GRM7: variants seen among roughly 807,000 people sequenced by gnomAD.
The protein encoded by GRM7 is glutamate metabotropic receptor 7.
Under a neutral mutation model 84.5 loss-of-function variants are expected in GRM7, and 35 were observed. That is an observed-to-expected ratio of 0.41 (90% CI 0.32 to 0.55). The LOEUF (loss-of-function observed/expected upper bound fraction) is 0.55, where lower values mean the gene tolerates loss of function less well. Ranked by LOEUF, GRM7 falls within the 20% of genes least tolerant of loss-of-function variation. The probability of loss-of-function intolerance (pLI) is 0.19; values close to 1 mark genes in which losing one functional copy is unlikely to be tolerated. For missense variants in GRM7, 1,003 were observed against 1,194.6 expected (o/e 0.84, Z 2.36); for synonymous variants, 487 against 455.1 (o/e 1.07, Z -0.89).
chr3:7,152,849 C>G (rs920212927), intron 2 of GRM7, among the ~76,000 whole-genome samples: 7 of 152,190 alleles, frequency 4.6e-5, no homozygotes, highest in Admixed American at 3.3e-4. Flanking sequence ...AGAGCTAAAA[C>G]AGTCAGATAT....
At chr3:7,401,987 G>A (rs1179055881) in intron 4 of GRM7, among the ~76,000 whole-genome samples, 4 of 152,266 alleles carry the variant, frequency 2.6e-5, no homozygotes, top group African/African-American at 9.6e-5. Flanking sequence ...CAAGGCCTTA[G>A]AAATAGATTG....
chr3:7,176,867 CT>C (rs1183553219), intron 2 of GRM7, among the ~76,000 whole-genome samples: 5 of 152,208 alleles, frequency 3.3e-5, no homozygotes, highest in African/African-American at 1.2e-4. Flanking sequence ...CAGGAATCAG[CT>C]TTATTCATGT....
chr3:7,060,514 G>T (rs1410176863), intron 1 of GRM7, among the ~76,000 whole-genome samples: 2 of 151,708 alleles, frequency 1.3e-5, no homozygotes, highest in Non-Finnish European at 2.9e-5. Flanking sequence ...TGGCTATGGG[G>T]ATACCAATCT....
chr3:7,552,864 T>C (rs148707256), intron 7 of GRM7, among the ~76,000 whole-genome samples: 112 of 152,346 alleles, frequency 7.4e-4, no homozygotes, highest in Non-Finnish European at 1.5e-3. Flanking sequence ...CCACATTGTC[T>C]TGGTGATTTA....
At chr3:7,292,863 A>G (rs956618454) in intron 2 of GRM7, among the ~76,000 whole-genome samples, 7 of 151,622 alleles carry the variant, frequency 4.6e-5, no homozygotes, top group African/African-American at 1.7e-4. Context: ...GAAACCCCCC[A>G]TCTCTACTAA....
intron 1 of GRM7, among the ~76,000 whole-genome samples, chr3:7,001,170 A>T (rs745879969): frequency 6.6e-6 from 1 of 152,076 alleles, no homozygotes; most frequent in Non-Finnish European, 1.5e-5. Context: ...ACATAGTGAG[A>T]CCCCATATCC....
chr3:7,013,825 T>C (rs1695469014), intron 1 of GRM7, among the ~76,000 whole-genome samples: 7 of 152,186 alleles, frequency 4.6e-5, no homozygotes, highest in Admixed American at 3.9e-4. Context: ...TTTCAGGTCT[T>C]TTATTTTTAA....
chr3:7,181,966 C>A (rs1176487028), intron 2 of GRM7, among the ~76,000 whole-genome samples: 1 of 151,966 alleles, frequency 6.6e-6, no homozygotes, highest in Non-Finnish European at 1.5e-5. Flanking sequence ...TAGTTTAATG[C>A]CTAAAAGTAT....
At chr3:7,297,724 A>G (rs150708410) in intron 2 of GRM7, among the ~76,000 whole-genome samples, 1 of 152,310 alleles carries the variant, frequency 6.6e-6, no homozygotes, top group Non-Finnish European at 1.5e-5. Flanking sequence ...TCCTAAACAC[A>G]TTACACATTA....
At chr3:7,101,763 CTAAT>C (rs1044071862) in intron 1 of GRM7, among the ~76,000 whole-genome samples, 12 of 147,080 alleles carry the variant, frequency 8.2e-5, no homozygotes, top group Admixed American at 2.0e-4. Flanking sequence ...ATGTAAATAT[CTAAT>C]TAATTAAAAT....
At chr3:7,539,991 A>G (rs1444881634) in intron 7 of GRM7, among the ~76,000 whole-genome samples, 2 of 152,170 alleles carry the variant, frequency 1.3e-5, no homozygotes, top group African/African-American at 4.8e-5. Flanking sequence ...ATTATATTAA[A>G]TGTTCCTTTT....
intron 5 of GRM7, among the ~76,000 whole-genome samples, chr3:7,430,566 G>A (rs1696785948): frequency 6.6e-6 from 1 of 152,152 alleles, no homozygotes; most frequent in South Asian, 2.1e-4. Context: ...TAGAAGTTAG[G>A]CACATACCGA....
intron 1 of GRM7, among the ~76,000 whole-genome samples, chr3:7,087,292 A>AAAGTACTTAAAAACT (rs1698491889): frequency 6.6e-6 from 1 of 152,122 alleles, no homozygotes; most frequent in Admixed American, 6.6e-5. Flanking sequence ...TCTTAATTAC[A>AAAGTACTTAAAAACT]TTATAGTACT....
intron 1 of GRM7, among the ~76,000 whole-genome samples, chr3:7,047,944 G>A (rs1574833464): frequency 2.0e-5 from 3 of 151,860 alleles, no homozygotes; most frequent in Admixed American, 1.3e-4. Context: ...TTATAATTCG[G>A]TTTAGCTGCA....
intron 7 of GRM7, among the ~76,000 whole-genome samples, chr3:7,500,970 G>T (rs894388525): frequency 6.6e-6 from 1 of 152,218 alleles, no homozygotes; most frequent in Admixed American, 6.5e-5. Flanking sequence ...TCAAACTGCA[G>T]ATCTGTGAGG....
chr3:7,002,851 C>T (rs908261663), intron 1 of GRM7, among the ~76,000 whole-genome samples: 1 of 151,984 alleles, frequency 6.6e-6, no homozygotes, highest in Non-Finnish European at 1.5e-5. Context: ...TGTTTATCAA[C>T]AGATAAGTAG....
rs1328143209 is a variant in GRM7 at position 7,362,311 on chromosome 3, C to T, written c.1034-52712C>T. The stretch of plus-strand genomic sequence containing the variant: ...TGAAACACAGCATAGCAGATTTCCA[C>T]CATTAAAACTGTATTCATGTTTTAA... On this transcript the variant is annotated intron_variant, in intron 4 of 9. Transcript: ENST00000357716. 4.6e-5 allele frequency among the ~76,000 whole-genome samples: 7 copies of T among 151,200 alleles called. No homozygotes were observed. The Admixed American group carries it at 4.6e-4, about 10-fold the overall frequency.
intron 1 of GRM7, among the ~76,000 whole-genome samples, chr3:6,985,871 A>G (rs992773143): frequency 1.3e-5 from 2 of 152,194 alleles, no homozygotes; most frequent in African/African-American, 4.8e-5. Context: ...GTACAAAAAG[A>G]CCTTCCCGAG....
chr3:7,526,009 A>G (rs9878236), intron 7 of GRM7, among the ~76,000 whole-genome samples: 93,478 of 151,952 alleles, frequency 0.62, 29,826 homozygotes, highest in African/African-American at 0.79. Flanking sequence ...TGAAAAACAT[A>G]TGAGTACATG....
Sources: gnomAD v4.1 joint callset for allele counts (sites outside exome capture counted in the v4.1 genomes callset) on GRCh38, gnomAD v4.1.1 for gene constraint, MANE v1.5 for transcripts, NCBI Gene and HGNC (gene_info 2026-07-23, HGNC 2026-07-21) for gene names.